Variants in ANKAR observed in about 807,000 individuals in gnomAD.
The protein encoded by ANKAR is ankyrin and armadillo repeat-containing protein.
ANKAR carries 136 observed loss-of-function variants against 146.2 expected under a neutral mutation model. That is an observed-to-expected ratio of 0.93 (90% CI 0.81 to 1.07). The LOEUF (loss-of-function observed/expected upper bound fraction) is 1.07, where lower values mean the gene tolerates loss of function less well. Among genes scored for constraint, ANKAR ranks in the 50% least tolerant of loss-of-function variants. The pLI is 0.00. For synonymous variants in ANKAR, 500 were observed against 575.8 expected, an observed-to-expected ratio of 0.87 and a Z score of 1.88; for missense variants, 1,567 against 1,679.9, an observed-to-expected ratio of 0.93 and a Z score of 1.18.
At chr2:189,749,527 G>A (rs2044765464), downstream of ANKAR, among the ~76,000 whole-genome samples, 1 of 151,588 alleles carries the variant, frequency 6.6e-6, no homozygotes, top group Non-Finnish European at 1.5e-5. Context: ...TATAATATTT[G>A]CAGTACAAAG....
intron 2 of ANKAR, among the ~76,000 whole-genome samples, chr2:189,679,891 T>C (rs2034377616): frequency 1.3e-5 from 2 of 152,176 alleles, no homozygotes; most frequent in Non-Finnish European, 2.9e-5. Context: ...ATGTTCATCA[T>C]GGATATTGGT....
At chr2:189,736,076 C>A (rs760203534) in intron 17 of ANKAR, among the ~76,000 whole-genome samples, 2 of 152,296 alleles carry the variant, frequency 1.3e-5, no homozygotes, top group South Asian at 4.1e-4. Context: ...ACATGTCTTT[C>A]CTCAAGCATT....
At chr2:189,677,149 C>T (rs2033844387) in intron 2 of ANKAR, 58 bp downstream of exon 2, 2 of 1,414,544 alleles carry the variant, frequency 1.4e-6, no homozygotes, top group Non-Finnish European at 9.2e-7. Flanking sequence ...CAGAGTCTTA[C>T]TACGTCACCC....
intron 1 of ANKAR, 137 bp from the exon 2 acceptor site, chr2:189,676,319 T>C (rs1284266586): frequency 1.3e-6 from 1 of 747,222 alleles, no homozygotes; most frequent in African/African-American, 1.7e-5. Context: ...CAGTTATTTT[T>C]AATTTGAAAA....
At chr2:189,702,259 C>T (rs928399954) in intron 7 of ANKAR, among the ~76,000 whole-genome samples, 2 of 152,118 alleles carry the variant, frequency 1.3e-5, no homozygotes, top group Admixed American at 6.5e-5. Flanking sequence ...TTTTCTCCCT[C>T]CCCCTGCTGG....
Position 189,737,842 on chromosome 2 carries a change from G to A in ANKAR, c.3582+1G>A, listed in dbSNP as rs759305075. The A allele has an allele frequency of 8.5e-6, 13 of 1,536,312 alleles. No individual in the cohort carries two copies. The highest frequency in any genetic ancestry group is 2.3e-4 in the Middle Eastern group (1 of 4,258). Reference sequence around the variant, plus strand: ...TGAGAAGGCAATGGCAGCATTTCAGGTATAAAATTGAGATTAACACCTCAA... The same window carrying A: ...TGAGAAGGCAATGGCAGCATTTCAGATATAAAATTGAGATTAACACCTCAA... On this transcript the variant is annotated splice_donor_variant, in intron 18 of 22. Coordinates refer to ENST00000684021, the MANE Select transcript of ANKAR (RefSeq NM_001378068.1). LOFTEE classifies it high-confidence loss of function.
At chr2:189,753,797 C>T (rs2045654754) in intron 18 of ANKAR, 1 of 1,076,242 alleles carries the variant, frequency 9.3e-7, no homozygotes, top group Non-Finnish European at 1.3e-6. Context: ...TAATTTCATA[C>T]TGTCAGGGCT....
chr2:189,710,051 A>G (rs1339481475), intron 9 of ANKAR, among the ~76,000 whole-genome samples: 1 of 152,156 alleles, frequency 6.6e-6, no homozygotes, highest in Non-Finnish European at 1.5e-5. Context: ...CACACTGCCC[A>G]TTTCCACTAC....
At chr2:189,759,383 C>T (rs569490274) in intron 18 of ANKAR, among the ~76,000 whole-genome samples, 31 of 152,096 alleles carry the variant, frequency 2.0e-4, no homozygotes, top group African/African-American at 6.3e-4. Context: ...CAAGTAGCTG[C>T]GACTACAGGC....
At chr2:189,699,936 G>T (rs1028708289) in intron 7 of ANKAR, among the ~76,000 whole-genome samples, 1 of 152,140 alleles carries the variant, frequency 6.6e-6, no homozygotes, top group African/African-American at 2.4e-5. Context: ...AAAGTGCTGA[G>T]ATTACAGGCG....
downstream of ANKAR, chr2:189,762,843 G>C: frequency 2.0e-6 from 2 of 985,470 alleles, no homozygotes; most frequent in Non-Finnish European, 2.4e-6. Context: ...TGTTCCGCTA[G>C]CGAGCGGCAT....
intron 2 of ANKAR, among the ~76,000 whole-genome samples, chr2:189,686,252 T>C (rs956109196): frequency 1.3e-5 from 2 of 152,202 alleles, no homozygotes; most frequent in African/African-American, 4.8e-5. Flanking sequence ...AGGGGATACA[T>C]TGACATATCA....
At chr2:189,734,881 T>C (rs1173603948) in intron 17 of ANKAR, among the ~76,000 whole-genome samples, 1 of 151,908 alleles carries the variant, frequency 6.6e-6, no homozygotes, top group Non-Finnish European at 1.5e-5. Flanking sequence ...GGAAAATCAC[T>C]TGAACCTGGG....
intron 18 of ANKAR, among the ~76,000 whole-genome samples, chr2:189,738,346 G>C (rs1357134640): frequency 6.6e-6 from 1 of 151,968 alleles, no homozygotes; most frequent in East Asian, 1.9e-4. Context: ...AACATTGTAG[G>C]AAGAATAATA....
intron 20 of ANKAR, among the ~76,000 whole-genome samples, chr2:189,742,902 CCTGACACACACACACACACA>C (rs1401594132): frequency 3.2e-4 from 7 of 22,190 alleles, no homozygotes; most frequent in Admixed American, 5.2e-4. Flanking sequence ...ACTAGAATTA[CCTGACACACACACACACACA>C]CACACACACA....
At chr2:189,749,043 G>A (rs1246406119), downstream of ANKAR, among the ~76,000 whole-genome samples, 11 of 151,832 alleles carry the variant, frequency 7.2e-5, no homozygotes, top group South Asian at 2.1e-4. Context: ...TCAGGAGTTC[G>A]AGACCAGCCT....
intron 7 of ANKAR, among the ~76,000 whole-genome samples, chr2:189,703,434 A>G (rs1444605154): frequency 6.6e-6 from 1 of 152,178 alleles, no homozygotes; most frequent in Non-Finnish European, 1.5e-5. Context: ...TGTGGTCTGT[A>G]CAACTGGCTG....
At chr2:189,685,949 A>T (rs1470768631) in intron 2 of ANKAR, among the ~76,000 whole-genome samples, 1 of 152,112 alleles carries the variant, frequency 6.6e-6, no homozygotes, top group Non-Finnish European at 1.5e-5. Flanking sequence ...CTTTTAAAAA[A>T]ATTCTTGCAC....
Position 189,746,525 on chromosome 2 carries a change from A to G in ANKAR, c.4203A>G (p.Thr1401=), listed in dbSNP as rs1382609778. 1.2e-6 allele frequency: 2 copies of G among 1,613,816 alleles called. No individual in the cohort carries two copies. The highest frequency in any genetic ancestry group is 3.3e-5 in the Admixed American group (2 of 59,996). ...ATAATATTTTTTCTTTTTCATCTAC[A>G]ATTACATCAGATATCACAAATGTAT... The part of the protein sequence containing the change: ...DSHNIFSFSS[T]ITSDITNVSR... The change falls in exon 23 of 23, where the codon ACA becomes ACG. Residue 1401 remains threonine, a synonymous_variant. Coordinates refer to ENST00000684021, the MANE Select transcript of ANKAR (RefSeq NM_001378068.1).
Sources: allele counts gnomAD v4.1 joint callset (sites outside exome capture counted in the v4.1 genomes callset), GRCh38; gene constraint gnomAD v4.1.1; transcripts MANE v1.5; gene names NCBI Gene and HGNC (gene_info 2026-07-23, HGNC 2026-07-21).